Variants in PRKCA observed in about 807,000 individuals in gnomAD.
PRKCA encodes the protein protein kinase C alpha type.
A neutral mutation model predicts 87.0 loss-of-function variants in PRKCA; 27 were observed. The observed-to-expected ratio is 0.31, with a 90% confidence interval of 0.23 to 0.43. The LOEUF is 0.43. PRKCA is among the 20% of genes least tolerant of loss of function. PRKCA has a pLI of 1.00. For missense variants in PRKCA, 518 were observed against 852.3 expected, an observed-to-expected ratio of 0.61 and a Z score of 4.88; for synonymous variants, 329 against 311.1, an observed-to-expected ratio of 1.06 and a Z score of -0.61.
rs73341543 is a variant in PRKCA at position 66,345,761 on chromosome 17, G to C, written c.205+39634G>C. On this transcript the variant is annotated intron_variant, in intron 2 of 16. Coordinates refer to ENST00000413366, the MANE Select transcript of PRKCA (RefSeq NM_002737.3). ...AAGCAGTAGCCTTCAGATTGAGGAT[G>C]AAGAAATCTCTCTGAACTTCAAGGA... is the stretch of plus-strand genomic sequence containing the variant. Among the ~76,000 whole-genome samples the C allele has an allele frequency of 2.5e-3, 377 of 152,268 alleles. 2 individuals are homozygous for C. The highest frequency in any genetic ancestry group is 8.5e-3 in the African/African-American group (353 of 41,570).
intron 2 of PRKCA, among the ~76,000 whole-genome samples, chr17:66,383,424 G>T (rs1909880423): frequency 6.6e-6 from 1 of 151,814 alleles, no homozygotes; most frequent in African/African-American, 2.4e-5. Flanking sequence ...TAAGTCAATG[G>T]GCAAAAAGTA....
intron 3 of PRKCA, among the ~76,000 whole-genome samples, chr17:66,524,251 A>G (rs1967267418): frequency 6.6e-6 from 1 of 152,226 alleles, no homozygotes; most frequent in Non-Finnish European, 1.5e-5. Context: ...GGCATTGTTC[A>G]GTGGAAGACT....
chr17:66,430,901 T>C (rs1913067144), intron 2 of PRKCA, among the ~76,000 whole-genome samples: 1 of 152,124 alleles, frequency 6.6e-6, no homozygotes, highest in Non-Finnish European at 1.5e-5. Flanking sequence ...TCCTTTACCT[T>C]CCATGCAGAG....
chr17:66,781,001 C>T (rs866821751), intron 14 of PRKCA, among the ~76,000 whole-genome samples: 1 of 152,000 alleles, frequency 6.6e-6, no homozygotes, highest in South Asian at 2.1e-4. Flanking sequence ...CCCAGCCACT[C>T]AGGAGGCTGA....
chr17:66,368,386 ATTTTTTTTTTTT>A (rs1180540465), intron 2 of PRKCA, among the ~76,000 whole-genome samples: 851 of 25,464 alleles, frequency 0.033, 12 homozygotes, highest in African/African-American at 0.095. Flanking sequence ...ATATATATAT[ATTTTTTTTTTTT>A]TTTTTTTTTT....
At chr17:66,690,687 G>T (rs893113757) in intron 8 of PRKCA, among the ~76,000 whole-genome samples, 4 of 151,864 alleles carry the variant, frequency 2.6e-5, no homozygotes, top group African/African-American at 9.7e-5. Context: ...AATTAGCCGG[G>T]TTTGGTGGCA....
At chr17:66,661,126 T>C (rs1019664514) in intron 5 of PRKCA, among the ~76,000 whole-genome samples, 1 of 152,190 alleles carries the variant, frequency 6.6e-6, no homozygotes, top group Non-Finnish European at 1.5e-5. Flanking sequence ...CGTTAGACTT[T>C]CTTTGCATTG....
chr17:66,335,747 A>G (rs564898520), intron 2 of PRKCA, among the ~76,000 whole-genome samples: 44 of 152,096 alleles, frequency 2.9e-4, no homozygotes, highest in Non-Finnish European at 5.0e-4. Flanking sequence ...TTTTATTTTT[A>G]GCCACTGTCA....
chr17:66,501,196 A>T (rs773945913), intron 3 of PRKCA, among the ~76,000 whole-genome samples: 1 of 152,240 alleles, frequency 6.6e-6, no homozygotes, highest in African/African-American at 2.4e-5. Context: ...ATGGGAAGAC[A>T]TTACAAAGTT....
intron 16 of PRKCA, among the ~76,000 whole-genome samples, chr17:66,798,422 G>GTGA (rs1975732110): frequency 8.1e-6 from 1 of 122,996 alleles, no homozygotes; most frequent in African/African-American, 3.4e-5. Context: ...GATGGTGGTG[G>GTGA]TGGTGGTGGT....
At chr17:66,312,704 A>T (rs1250734287) in intron 2 of PRKCA, among the ~76,000 whole-genome samples, 28 of 135,236 alleles carry the variant, frequency 2.1e-4, no homozygotes, top group African/African-American at 7.2e-4. Context: ...CAATTGTCCT[A>T]TTCTACATGT....
At chr17:66,377,721 A>AT (rs1229084236) in intron 2 of PRKCA, among the ~76,000 whole-genome samples, 12,147 of 68,182 alleles carry the variant, frequency 0.18, 2,161 homozygotes, top group Non-Finnish European at 0.23. Context: ...ATATATATAT[A>AT]TTTTTTTTTT....
intron 8 of PRKCA, among the ~76,000 whole-genome samples, chr17:66,709,349 T>A (rs1973268380): frequency 2.0e-5 from 3 of 149,496 alleles, no homozygotes. Context: ...GTTGCTTTTG[T>A]TGCCTAGGCT....
intron 2 of PRKCA, among the ~76,000 whole-genome samples, chr17:66,352,558 GTTTTTTT>G (rs56317931): frequency 8.4e-5 from 7 of 83,758 alleles, no homozygotes; most frequent in African/African-American, 3.3e-4. Flanking sequence ...GTTTTTTGAG[GTTTTTTT>G]TTTTTTTTTT....
intron 2 of PRKCA, among the ~76,000 whole-genome samples, chr17:66,392,059 T>A (rs1276838085): frequency 6.6e-6 from 1 of 152,040 alleles, no homozygotes; most frequent in African/African-American, 2.4e-5. Flanking sequence ...TGAAACCCCG[T>A]GTCTACTAAA....
chr17:66,660,336 C>T (rs1971860184), intron 5 of PRKCA, among the ~76,000 whole-genome samples: 2 of 152,184 alleles, frequency 1.3e-5, no homozygotes, highest in Admixed American at 6.5e-5. Flanking sequence ...GAAAGCAAAA[C>T]ATCTCCTAAC....
At chr17:66,718,508 G>A (rs1368333326) in intron 8 of PRKCA, among the ~76,000 whole-genome samples, 1 of 152,142 alleles carries the variant, frequency 6.6e-6, no homozygotes, top group Non-Finnish European at 1.5e-5. Context: ...GTAGAGATGG[G>A]GGTCTCACTG....
chr17:66,528,906 G>C (rs1405030518), intron 3 of PRKCA, among the ~76,000 whole-genome samples: 1 of 152,158 alleles, frequency 6.6e-6, no homozygotes, highest in Non-Finnish European at 1.5e-5. Context: ...AATGTTAGAG[G>C]AGGGAAAAAT....
At chr17:66,448,304 G>A (rs1254786220) in intron 2 of PRKCA, among the ~76,000 whole-genome samples, 1 of 152,104 alleles carries the variant, frequency 6.6e-6, no homozygotes, top group Non-Finnish European at 1.5e-5. Flanking sequence ...TTGGAAAAAC[G>A]AGATCTGTTA....
Sources: allele counts gnomAD v4.1 joint callset (sites outside exome capture counted in the v4.1 genomes callset), GRCh38; gene constraint gnomAD v4.1.1; transcripts MANE v1.5; gene names NCBI Gene and HGNC (gene_info 2026-07-23, HGNC 2026-07-21).